The following XPR1 variants were observed in gnomAD, a reference collection of about 807,000 sequenced individuals.
XPR1 encodes solute carrier family 53 member 1.
XPR1 carries 28 observed loss-of-function variants against 87.5 expected under a neutral mutation model. That is an observed-to-expected ratio of 0.32 (90% CI 0.24 to 0.44). The LOEUF (loss-of-function observed/expected upper bound fraction) is 0.44. Ranked by LOEUF, XPR1 falls within the 20% of genes least tolerant of loss-of-function variation. XPR1 has a pLI of 1.00. For missense variants in XPR1, 559 were observed against 862.3 expected (o/e 0.65, Z 4.41); for synonymous variants, 300 against 306.1 (o/e 0.98, Z 0.21).
chr1:180,705,205 A>G (rs1262852892), intron 2 of XPR1, among the ~76,000 whole-genome samples: 1 of 152,022 alleles, frequency 6.6e-6, no homozygotes, highest in Non-Finnish European at 1.5e-5. Context: ...TTAAAATTTC[A>G]TTTTCTTATT....
In XPR1 at chr1:180,656,663, TTTATA is replaced by T. The variant is rs1445411780; in HGVS notation, c.69+24400_69+24404del. ...ATATATTATTATATATAATATATAA[TTTATA>T]TTATATATAATTATATAATATATAT... On this transcript the variant is annotated intron_variant, in intron 1 of 14. Coordinates refer to ENST00000367590, the MANE Select transcript of XPR1 (RefSeq NM_004736.4). Among the ~76,000 whole-genome samples, 3 of 120,406 alleles carry T rather than the reference TTTATA, an allele frequency of 2.5e-5. No individual in the cohort carries two copies. The East Asian group carries it at 6.7e-4, about 27-fold the overall frequency. 79.0% of individuals were successfully genotyped at this position (120,406 alleles called of 152,430 possible).
intron 3 of XPR1, among the ~76,000 whole-genome samples, chr1:180,796,453 G>T (rs1186474437): frequency 6.6e-6 from 1 of 152,072 alleles, no homozygotes; most frequent in Non-Finnish European, 1.5e-5. Context: ...ACATAGTTAT[G>T]CCCTTAAGGA....
At chr1:180,821,249 A>G (rs1650617330) in intron 7 of XPR1, among the ~76,000 whole-genome samples, 1 of 152,158 alleles carries the variant, frequency 6.6e-6, no homozygotes, top group East Asian at 1.9e-4. Context: ...CAAGGGACCA[A>G]CTTCACTTTT....
At chr1:180,648,056 A>G (rs1447174566) in intron 1 of XPR1, among the ~76,000 whole-genome samples, 2 of 152,166 alleles carry the variant, frequency 1.3e-5, no homozygotes, top group African/African-American at 2.4e-5. Flanking sequence ...AAGGACCTGA[A>G]TATTTAATTT....
intron 3 of XPR1, among the ~76,000 whole-genome samples, chr1:180,798,612 TTTTTTG>T (rs1306936870): frequency 3.3e-5 from 5 of 152,072 alleles, no homozygotes; most frequent in Non-Finnish European, 4.4e-5. Context: ...GCTGTAGGGT[TTTTTTG>T]TTTTTGTTTT....
intron 1 of XPR1, among the ~76,000 whole-genome samples, chr1:180,674,344 C>T (rs766070994): frequency 2.6e-5 from 4 of 152,114 alleles, no homozygotes; most frequent in Non-Finnish European, 5.9e-5. Context: ...CCACAACTGC[C>T]GCCTCCCGGG....
intron 2 of XPR1, among the ~76,000 whole-genome samples, chr1:180,709,463 T>G (rs1657680898): frequency 6.6e-6 from 1 of 151,734 alleles, no homozygotes; most frequent in Admixed American, 6.5e-5. Flanking sequence ...CGCATCTCAC[T>G]CTATCCCTTC....
chr1:180,710,245 G>A (rs530742712), intron 2 of XPR1, among the ~76,000 whole-genome samples: 30 of 149,470 alleles, frequency 2.0e-4, no homozygotes, highest in Non-Finnish European at 3.5e-4. Context: ...GGTGTTTCTC[G>A]CAGAGGGGGA....
chr1:180,874,149 C>G, intron 13 of XPR1: 1 of 529,930 alleles, frequency 1.9e-6, no homozygotes, highest in Non-Finnish European at 3.2e-6. Flanking sequence ...CCCACCTCGG[C>G]CTCCCAAAGT....
intron 2 of XPR1, among the ~76,000 whole-genome samples, chr1:180,728,727 TGAGAACAAAACCTG>T (rs1371852807): frequency 2.0e-5 from 3 of 152,212 alleles, no homozygotes; most frequent in East Asian, 3.8e-4. Context: ...CCAAAGCTTG[TGAGAACAAAACCTG>T]GATTCGAATA....
chr1:180,744,147 C>T (rs1024785371), intron 2 of XPR1, among the ~76,000 whole-genome samples: 3 of 152,128 alleles, frequency 2.0e-5, no homozygotes, highest in Non-Finnish European at 4.4e-5. Context: ...TGAGATCCTC[C>T]CTCTTCCTCT....
At position 180,654,196 on chromosome 1, in the gene XPR1, A is replaced by T. The variant is rs547558418; in HGVS notation, c.69+21926A>T. Among the ~76,000 whole-genome samples, 28 of 151,748 alleles carry T rather than the reference A, an allele frequency of 1.8e-4. No homozygotes were observed. The East Asian group carries it at 4.9e-3, about 26-fold the overall frequency. ...CTATTGATAAGTATTTGTGGCCATC[A>T]TGGTCTCAGCTCTCGTGTGGTCAGC... On this transcript the variant is annotated intron_variant, in intron 1 of 14. Transcript: ENST00000367590.
intron 2 of XPR1, among the ~76,000 whole-genome samples, chr1:180,779,707 GGGGAGA>G (rs201528064): frequency 0.011 from 1,644 of 151,834 alleles, 18 homozygotes; most frequent in African/African-American, 0.028. Context: ...AGAGGGGGAG[GGGGAGA>G]GGGAGAGGGA....
At chr1:180,659,381 G>GTCCTTCCTTCCT (rs1169616821) in intron 1 of XPR1, among the ~76,000 whole-genome samples, 30 of 55,410 alleles carry the variant, frequency 5.4e-4, no homozygotes, top group South Asian at 1.1e-3. Flanking sequence ...CCGTCCTTCC[G>GTCCTTCCTTCCT]TCCTTCCTTC....
intron 13 of XPR1, among the ~76,000 whole-genome samples, chr1:180,874,962 GATAA>G (rs2102220592): frequency 6.6e-6 from 1 of 152,314 alleles, no homozygotes; most frequent in African/African-American, 2.4e-5. Context: ...TTCAGTGATA[GATAA>G]ATAACGGGTC....
At chr1:180,765,425 AT>A (rs1648244548) in intron 2 of XPR1, among the ~76,000 whole-genome samples, 1 of 152,200 alleles carries the variant, frequency 6.6e-6, no homozygotes, top group Non-Finnish European at 1.5e-5. Flanking sequence ...ATTTGTTTAT[AT>A]CTCTTCTCTC....
chr1:180,882,819 C>T (rs1322012245), intron 14 of XPR1, among the ~76,000 whole-genome samples: 1 of 152,216 alleles, frequency 6.6e-6, no homozygotes, highest in Non-Finnish European at 1.5e-5. Flanking sequence ...GTTGTCAACT[C>T]TTTGAAGAGA....
At chr1:180,705,097 G>A (rs6692456) in intron 2 of XPR1, among the ~76,000 whole-genome samples, 2,553 of 151,938 alleles carry the variant, frequency 0.017, 80 homozygotes, top group African/African-American at 0.056. Context: ...GATAAACTGC[G>A]ATGATTTTAA....
At chr1:180,743,203 G>A (rs1168685576) in intron 2 of XPR1, among the ~76,000 whole-genome samples, 1 of 141,182 alleles carries the variant, frequency 7.1e-6, no homozygotes, top group African/African-American at 2.7e-5. Context: ...TATGTTTTCT[G>A]TTCATTTTCC....
Sources: gnomAD v4.1 joint callset for allele counts (sites outside exome capture counted in the v4.1 genomes callset) on GRCh38, gnomAD v4.1.1 for gene constraint, MANE v1.5 for transcripts, NCBI Gene and HGNC (gene_info 2026-07-23, HGNC 2026-07-21) for gene names.